The following RBFOX1 variants were observed in gnomAD, a reference collection of about 807,000 sequenced individuals.
The protein encoded by RBFOX1 is RNA binding protein fox-1 homolog 1.
A neutral mutation model predicts 57.7 loss-of-function variants in RBFOX1; 8 were observed. The observed-to-expected ratio is 0.14, with a 90% CI of 0.08 to 0.25. RBFOX1 has a LOEUF of 0.25. Among genes scored for constraint, RBFOX1 ranks in the 10% least tolerant of loss-of-function variants. The probability of loss-of-function intolerance (pLI) is 1.00; values close to 1 mark genes in which losing one functional copy is unlikely to be tolerated. For synonymous variants in RBFOX1, 326 were observed against 222.4 expected (o/e 1.47, Z -4.15); for missense variants, 611 against 548.5 (o/e 1.11, Z -1.14).
chr16:6,815,128 G>A (rs1024700823), intron 3 of RBFOX1, among the ~76,000 whole-genome samples: 7 of 152,110 alleles, frequency 4.6e-5, no homozygotes, highest in Admixed American at 1.3e-4. Context: ...CGTAACTTCC[G>A]GGTGTTGCTA....
In RBFOX1 at chr16:7,595,399, T is replaced by G. The variant is rs572211015; in HGVS notation, c.469-150T>G. 5.1e-5 allele frequency: 26 copies of G among 505,330 alleles called. No homozygotes were observed. In the South Asian group the frequency reaches 8.2e-4, roughly 16 times the overall value. The allele number at this position is 505,330 out of a possible 1,614,324, so 31.3% of individuals were successfully genotyped here. A position where few individuals can be genotyped will look rare whatever the true frequency, so the allele number is the denominator to read the frequency against. On this transcript the variant is annotated intron_variant, in intron 7 of 15. Coordinates refer to ENST00000550418, the MANE Select transcript of RBFOX1 (RefSeq NM_018723.4). ...ACATTTGTCGCTTAATTATTGCACA[T>G]CTCAGTACTCTTATAATTTCTCTAA...
chr16:5,536,042 A>G (rs957058667), intron 2 of RBFOX1, among the ~76,000 whole-genome samples: 1 of 150,856 alleles, frequency 6.6e-6, no homozygotes, highest in African/African-American at 2.4e-5. Context: ...GGAATCTCTT[A>G]CTTTTAGCTT....
rs149393144 is a variant in RBFOX1 at position 6,923,092 on chromosome 16, C to G, written c.-15-128965C>G. Among the ~76,000 whole-genome samples the G allele has an allele frequency of 2.0e-3, 309 of 152,262 alleles. 1 individual carries two copies. Among genetic ancestry groups the G allele is most frequent in the African/African-American group, 7.1e-3 (294 of 41,554 alleles). On this transcript the variant is annotated intron_variant, in intron 3 of 15. Transcript: ENST00000550418. ...TGTTATTACCCCTAAGCCCAGAAGG[C>G]AATGAGAGAAAGTGATTTGTAGAAT...
intron 3 of RBFOX1, among the ~76,000 whole-genome samples, chr16:6,697,893 G>A (rs985618531): frequency 6.6e-6 from 1 of 152,174 alleles, no homozygotes; most frequent in South Asian, 2.1e-4. Context: ...TCAAGGGTAG[G>A]ATGTGGCCAG....
chr16:7,303,700 G>A (rs1341008520), intron 4 of RBFOX1, among the ~76,000 whole-genome samples: 2 of 152,080 alleles, frequency 1.3e-5, no homozygotes, highest in Non-Finnish European at 2.9e-5. Flanking sequence ...GTGAGCTTCA[G>A]TGTGAGTCAA....
rs58959488 is a variant in RBFOX1, at chr16:7,285,075, C to CTTTTTTTT, written c.27+233000_27+233007dup. 8.7e-4 allele frequency among the ~76,000 whole-genome samples: 37 copies of CTTTTTTTT among 42,732 alleles called. 9 individuals are homozygous for CTTTTTTTT. Among genetic ancestry groups the CTTTTTTTT allele is most frequent in the Non-Finnish European group, 1.3e-3 (27 of 21,018 alleles). The allele number at this position is 42,732 out of a possible 152,430, so 28.0% of individuals were successfully genotyped here. ...CCCTTTGCTATCTATAGATTCCTTA[C>CTTTTTTTT]TTTTTTTTTTTTTTTTTTTTTTTTT... On this transcript the variant is annotated intron_variant, in intron 4 of 15. Coordinates refer to ENST00000550418, the MANE Select transcript of RBFOX1 (RefSeq NM_018723.4).
chr16:5,355,729 TAAAG>T (rs2065371419), intron 1 of RBFOX1, among the ~76,000 whole-genome samples: 1 of 152,100 alleles, frequency 6.6e-6, no homozygotes, highest in Admixed American at 6.5e-5. Context: ...ACAGATATAA[TAAAG>T]AGTCACAGGA....
chr16:6,169,363 G>A (rs1305721116), intron 1 of RBFOX1, among the ~76,000 whole-genome samples: 1 of 152,040 alleles, frequency 6.6e-6, no homozygotes, highest in Non-Finnish European at 1.5e-5. Flanking sequence ...AGAAAATTTC[G>A]GGATTTGAAT....
At chr16:6,355,281 C>T (rs1667951629) in intron 2 of RBFOX1, among the ~76,000 whole-genome samples, 2 of 152,034 alleles carry the variant, frequency 1.3e-5, no homozygotes, top group African/African-American at 2.4e-5. Flanking sequence ...TTATCACTCC[C>T]CCAGCCCCCC....
chr16:5,970,119 C>G (rs1269599523), intron 4 of RBFOX1, among the ~76,000 whole-genome samples: 2 of 152,142 alleles, frequency 1.3e-5, no homozygotes, highest in Non-Finnish European at 2.9e-5. Context: ...GCCGCATGAC[C>G]TGAGGTTTCT....
intron 1 of RBFOX1, among the ~76,000 whole-genome samples, chr16:5,401,689 A>T (rs1010342072): frequency 6.6e-6 from 1 of 151,826 alleles, no homozygotes; most frequent in Non-Finnish European, 1.5e-5. Context: ...GAAGATTGGA[A>T]ATTCACACTT....
intron 4 of RBFOX1, among the ~76,000 whole-genome samples, chr16:7,447,448 AAAG>A (rs1436445664): frequency 4.0e-5 from 6 of 151,582 alleles, no homozygotes; most frequent in Non-Finnish European, 8.8e-5. Flanking sequence ...AAAAAAAAAA[AAAG>A]AGAGATTCCA....
At chr16:5,577,283 GC>G (rs1468494383) in intron 2 of RBFOX1, among the ~76,000 whole-genome samples, 2 of 152,154 alleles carry the variant, frequency 1.3e-5, no homozygotes, top group African/African-American at 2.4e-5. Context: ...CGTCTGATTG[GC>G]TCTGTAACTA....
chr16:7,547,797 T>C (rs2085025362), intron 5 of RBFOX1, among the ~76,000 whole-genome samples: 1 of 152,252 alleles, frequency 6.6e-6, no homozygotes, highest in African/African-American at 2.4e-5. Context: ...TGGGCTAGCA[T>C]GAAGGTGAAA....
chr16:6,083,883 G>T (rs950107765), intron 1 of RBFOX1, among the ~76,000 whole-genome samples: 2 of 152,120 alleles, frequency 1.3e-5, no homozygotes, highest in African/African-American at 4.8e-5. Flanking sequence ...AGAAGAATTG[G>T]CTGCCTGAAA....
At chr16:6,344,551 C>G (rs1434002430) in intron 2 of RBFOX1, among the ~76,000 whole-genome samples, 2 of 151,512 alleles carry the variant, frequency 1.3e-5, no homozygotes, top group Non-Finnish European at 2.9e-5. Flanking sequence ...GTACCCACCA[C>G]TGCGCCCGGC....
intron 1 of RBFOX1, among the ~76,000 whole-genome samples, chr16:5,325,442 TTTAAA>T (rs1472966247): frequency 6.6e-6 from 1 of 152,250 alleles, no homozygotes; most frequent in Non-Finnish European, 1.5e-5. Context: ...TAATTTTATT[TTTAAA>T]TTAACGTACA....
intron 1 of RBFOX1, among the ~76,000 whole-genome samples, chr16:6,292,181 G>A (rs983226209): frequency 4.6e-5 from 7 of 152,226 alleles, no homozygotes; most frequent in African/African-American, 1.7e-4. Flanking sequence ...GACCACTTGA[G>A]CCCAAGAGGT....
intron 2 of RBFOX1, among the ~76,000 whole-genome samples, chr16:6,433,779 C>T (rs562379051): frequency 2.6e-5 from 4 of 151,972 alleles, no homozygotes; most frequent in African/African-American, 9.7e-5. Context: ...CTTCAAAGCA[C>T]ATCACTCCAA....
Sources: allele counts gnomAD v4.1 joint callset (sites outside exome capture counted in the v4.1 genomes callset), GRCh38; gene constraint gnomAD v4.1.1; transcripts MANE v1.5; gene names NCBI Gene and HGNC (gene_info 2026-07-23, HGNC 2026-07-21).